Variants in LUZP2 observed in about 807,000 individuals in gnomAD.
LUZP2 encodes leucine zipper protein 2.
LUZP2 carries 52 observed loss-of-function variants against 51.6 expected under a neutral mutation model. The observed-to-expected ratio is 1.01, with a 90% CI of 0.81 to 1.27. The LOEUF is 1.27. Among genes scored for constraint, LUZP2 ranks in the 50% most tolerant of loss-of-function variants. The pLI, the probability that LUZP2 is intolerant of heterozygous loss-of-function variation, is 0.00. For missense variants in LUZP2, 436 were observed against 395.4 expected (o/e 1.10, Z -0.87); for synonymous variants, 154 against 137.3 (o/e 1.12, Z -0.85).
At chr11:25,006,009 T>C (rs1386204138) in intron 9 of LUZP2, among the ~76,000 whole-genome samples, 1 of 152,140 alleles carries the variant, frequency 6.6e-6, no homozygotes, top group African/African-American at 2.4e-5. Flanking sequence ...ATGCCTTATG[T>C]CCTTACTTAT....
At chr11:24,997,463 G>T (rs1856541432) in intron 9 of LUZP2, among the ~76,000 whole-genome samples, 1 of 152,114 alleles carries the variant, frequency 6.6e-6, no homozygotes. Context: ...TTTTGATGGG[G>T]TTGTTTGTCT....
chr11:24,955,735 T>A (rs7482123), intron 7 of LUZP2, among the ~76,000 whole-genome samples: 1 of 152,054 alleles, frequency 6.6e-6, no homozygotes, highest in African/African-American at 2.4e-5. Context: ...ATTATCGGCG[T>A]ACCTTGGGTG....
At chr11:24,916,352 A>G (rs1218171591) in intron 7 of LUZP2, among the ~76,000 whole-genome samples, 1 of 151,938 alleles carries the variant, frequency 6.6e-6, no homozygotes, top group Non-Finnish European at 1.5e-5. Context: ...CTTTTAAATT[A>G]TACTTTAAGT....
chr11:25,001,301 G>A (rs1271156754), intron 9 of LUZP2, among the ~76,000 whole-genome samples: 1 of 152,132 alleles, frequency 6.6e-6, no homozygotes, highest in East Asian at 1.9e-4. Flanking sequence ...CCAATTATTA[G>A]GCAATTTTCC....
intron 7 of LUZP2, among the ~76,000 whole-genome samples, chr11:24,940,386 C>T (rs1344726561): frequency 6.6e-6 from 1 of 152,102 alleles, no homozygotes; most frequent in Non-Finnish European, 1.5e-5. Context: ...ATTTTATCCA[C>T]AAGTGGGCTC....
chr11:24,528,903 C>T (rs575730395), intron 1 of LUZP2, among the ~76,000 whole-genome samples: 1 of 151,228 alleles, frequency 6.6e-6, no homozygotes, highest in African/African-American at 2.4e-5. Context: ...CTAATATTCT[C>T]TTTATTGAGT....
At chr11:24,639,553 G>A (rs542630791) in intron 1 of LUZP2, among the ~76,000 whole-genome samples, 1 of 151,916 alleles carries the variant, frequency 6.6e-6, no homozygotes, top group Admixed American at 6.5e-5. Context: ...CTGGGTTCAA[G>A]CAATTCTCCT....
At chr11:24,806,938 A>G (rs1849871172) in intron 5 of LUZP2, among the ~76,000 whole-genome samples, 1 of 151,214 alleles carries the variant, frequency 6.6e-6, no homozygotes, top group Non-Finnish European at 1.5e-5. Flanking sequence ...TAGAAAATGA[A>G]GTAGAAAGGG....
intron 4 of LUZP2, among the ~76,000 whole-genome samples, chr11:24,761,612 G>A (rs1014283836): frequency 6.6e-6 from 1 of 152,076 alleles, no homozygotes; most frequent in African/African-American, 2.4e-5. Context: ...CCTATATACT[G>A]CTCTATGAGA....
chr11:24,952,591 G>A (rs115948169), intron 7 of LUZP2, among the ~76,000 whole-genome samples: 1,521 of 151,746 alleles, frequency 0.01, 18 homozygotes, highest in African/African-American at 0.031. Context: ...CAGAGGTGAG[G>A]AGTTTGAGAA....
intron 5 of LUZP2, among the ~76,000 whole-genome samples, chr11:24,820,532 T>A (rs535182599): frequency 6.6e-6 from 1 of 152,186 alleles, no homozygotes; most frequent in African/African-American, 2.4e-5. Flanking sequence ...AATTTGATAC[T>A]CATGTGAAGA....
At chr11:24,602,753 C>T (rs2133870180) in intron 1 of LUZP2, among the ~76,000 whole-genome samples, 1 of 151,650 alleles carries the variant, frequency 6.6e-6, no homozygotes, top group South Asian at 2.1e-4. Context: ...TGTATGGGCA[C>T]AATCAGGTTC....
At chr11:25,065,976 A>G (rs898402999) in intron 10 of LUZP2, among the ~76,000 whole-genome samples, 2 of 152,014 alleles carry the variant, frequency 1.3e-5, no homozygotes, top group African/African-American at 4.8e-5. Context: ...CTGCCTCTGC[A>G]CTTATCATGC....
chr11:24,667,143 A>G (rs1856239230), intron 1 of LUZP2, among the ~76,000 whole-genome samples: 1 of 151,740 alleles, frequency 6.6e-6, no homozygotes, highest in Non-Finnish European at 1.5e-5. Context: ...TATTCAAAAT[A>G]CACAGTACTT....
At chr11:24,661,284 T>C (rs1856011899) in intron 1 of LUZP2, among the ~76,000 whole-genome samples, 1 of 152,176 alleles carries the variant, frequency 6.6e-6, no homozygotes, top group East Asian at 1.9e-4. Context: ...CCAGGAGAAA[T>C]GCATCTTGAG....
intron 10 of LUZP2, among the ~76,000 whole-genome samples, chr11:25,063,273 T>G (rs1858901654): frequency 6.6e-6 from 1 of 151,532 alleles, no homozygotes. Flanking sequence ...ATAACATCAT[T>G]TTATTTAAGG....
chr11:25,027,064 T>C (rs1314398865), intron 9 of LUZP2, among the ~76,000 whole-genome samples: 1 of 152,050 alleles, frequency 6.6e-6, no homozygotes, highest in Admixed American at 6.6e-5. Flanking sequence ...TCAAATGGGT[T>C]CCTGAATTAT....
chr11:24,556,463 A>G (rs1264314088), intron 1 of LUZP2, among the ~76,000 whole-genome samples: 1 of 152,164 alleles, frequency 6.6e-6, no homozygotes, highest in African/African-American at 2.4e-5. Context: ...AAAGAAAAAT[A>G]ACATTATAGA....
At chr11:24,814,816 C>T (rs920931814) in intron 5 of LUZP2, among the ~76,000 whole-genome samples, 13 of 151,964 alleles carry the variant, frequency 8.6e-5, no homozygotes, top group Non-Finnish European at 1.5e-5. Context: ...CACGGTGAAA[C>T]CCCTTCTCTA....
Sources: gnomAD v4.1 joint callset for allele counts (sites outside exome capture counted in the v4.1 genomes callset) on GRCh38, gnomAD v4.1.1 for gene constraint, MANE v1.5 for transcripts, NCBI Gene and HGNC (gene_info 2026-07-23, HGNC 2026-07-21) for gene names.